The following OAS2 variants were observed in gnomAD, a reference collection of about 807,000 sequenced individuals.
OAS2 encodes 2'-5'-oligoadenylate synthase 2.
A neutral mutation model predicts 71.3 loss-of-function variants in OAS2; 67 were observed. That is an observed-to-expected ratio of 0.94 (90% CI 0.77 to 1.15). The LOEUF is 1.15. Ranked by LOEUF, OAS2 falls within the 50% of genes most tolerant of loss-of-function variation. OAS2 has a pLI of 0.00. For missense variants in OAS2, 789 were observed against 822.5 expected (o/e 0.96, Z 0.50); for synonymous variants, 327 against 321.8 (o/e 1.02, Z -0.17).
chr12:113,008,862 A>G (rs2044356624), intron 9 of OAS2, among the ~76,000 whole-genome samples: 1 of 152,156 alleles, frequency 6.6e-6, no homozygotes, highest in Non-Finnish European at 1.5e-5. Context: ...CCTGGCCCTC[A>G]AGTGATCCTC....
At chr12:112,979,749 G>A (rs890646391) in intron 1 of OAS2, among the ~76,000 whole-genome samples, 1 of 152,040 alleles carries the variant, frequency 6.6e-6, no homozygotes, top group Non-Finnish European at 1.5e-5. Flanking sequence ...CAGCCCCCCA[G>A]AGCCCTGGGC....
intron 3 of OAS2, 24 bp downstream of exon 3, chr12:112,995,498 T>G: frequency 6.3e-7 from 1 of 1,585,640 alleles, no homozygotes. Flanking sequence ...TGTCTATATA[T>G]GGTTATCATT....
At chr12:112,983,557 G>A (rs7964503) in intron 1 of OAS2, among the ~76,000 whole-genome samples, 39,922 of 152,058 alleles carry the variant, frequency 0.26, 5,470 homozygotes, top group Admixed American at 0.32. Context: ...AAGATGAACC[G>A]TTAGGTTGTT....
intron 5 of OAS2, among the ~76,000 whole-genome samples, chr12:112,999,286 TC>T (rs1228946004): frequency 6.6e-6 from 1 of 152,010 alleles, no homozygotes; most frequent in Admixed American, 6.6e-5. Context: ...CAACACAAAC[TC>T]CCCTGCATGC....
rs763531533 is a variant in OAS2 at position 112,997,644 on chromosome 12, TA to T, written c.753del (p.Leu252TrpfsTer3). 1 of 1,614,124 alleles carries T rather than the reference TA, an allele frequency of 6.2e-7. No individual in the cohort carries two copies. Among genetic ancestry groups the T allele is most frequent in the South Asian group, 1.1e-5 (1 of 91,078 alleles). On this transcript the variant is annotated frameshift_variant, in exon 4 of 10. Coordinates refer to ENST00000392583, the MANE Select transcript of OAS2 (RefSeq NM_002535.3). LOFTEE classifies it high-confidence loss of function. ...GACATTGCTGAAGGCGTCAGAACCG[TA>T]CTGGAGCTGATCAAATGCCAGGAGA... ...NFDIAEGVRT[V>X]LELIKCQEKL...
At chr12:112,979,987 T>C (rs1257612885) in intron 1 of OAS2, among the ~76,000 whole-genome samples, 1 of 152,244 alleles carries the variant, frequency 6.6e-6, no homozygotes, top group Non-Finnish European at 1.5e-5. Context: ...ATGGGCTCTG[T>C]GTGCTTTAGT....
rs1349343880 is a variant in OAS2, at chr12:112,997,728, T to A, written c.836T>A (p.Ile279Asn). ...YNFEDETIRN[I>N]LLHQLQSARP... is the part of the protein sequence containing the mutation. The stretch of plus-strand genomic sequence containing the variant: ...TTTGAAGATGAGACCATCAGGAACA[T>A]CCTGCTGCACCAGCTCCAATCAGCG... The change falls in exon 4 of 10, where the codon ATC becomes AAC. Residue 279 changes from isoleucine (I) to asparagine (N), a missense_variant. By Grantham distance (149) the Ile-to-Asn change is moderately radical (BLOSUM62 -3). Transcript: ENST00000392583. The A allele has an allele frequency of 6.2e-7, 1 of 1,606,904 alleles. No homozygotes were observed. The highest frequency in any genetic ancestry group is 8.5e-7 in the Non-Finnish European group (1 of 1,175,828).
At chr12:112,999,017 C>T (rs532145064) in intron 5 of OAS2, among the ~76,000 whole-genome samples, 1 of 152,244 alleles carries the variant, frequency 6.6e-6, no homozygotes, top group East Asian at 1.9e-4. Flanking sequence ...GGGGGGTACC[C>T]AAAGATGCGA....
intron 5 of OAS2, among the ~76,000 whole-genome samples, chr12:113,000,192 AG>A (rs1186460627): frequency 6.6e-6 from 1 of 152,136 alleles, no homozygotes; most frequent in Non-Finnish European, 1.5e-5. Context: ...GGAGACTAGG[AG>A]TCATATATTA....
chr12:113,002,245 A>G (rs2044296365), intron 5 of OAS2, among the ~76,000 whole-genome samples: 2 of 152,216 alleles, frequency 1.3e-5, no homozygotes, highest in African/African-American at 4.8e-5. Context: ...AAGAGGAAAA[A>G]GACCCCTGTG....
intron 5 of OAS2, among the ~76,000 whole-genome samples, chr12:112,998,952 C>A (rs1165428565): frequency 6.6e-6 from 1 of 152,188 alleles, no homozygotes; most frequent in Non-Finnish European, 1.5e-5. Context: ...ACAGTTCAAC[C>A]CATCACACAC....
chr12:112,993,469 T>A (rs760352655), intron 2 of OAS2, among the ~76,000 whole-genome samples: 1 of 152,220 alleles, frequency 6.6e-6, no homozygotes, highest in South Asian at 2.1e-4. Context: ...GATAGAATGC[T>A]CTTTCCGTCA....
rs767047586 is a variant in OAS2 at position 112,997,530 on chromosome 12, A to G, written c.638A>G (p.Lys213Arg). ...TTCCTTATCCCACAGTGCCAGAAAA[A>G]AATCAAGGATTTACCCTCGCTGTCT... Reference protein sequence around the residue: ...IKHWHQQCQKKIKDLPSLSPY... With the variant: ...IKHWHQQCQKRIKDLPSLSPY... The change falls in exon 4 of 10, where the codon AAA (lysine) becomes AGA (arginine). Residue 213 changes from lysine to arginine, a missense_variant. Coordinates refer to ENST00000392583, the MANE Select transcript of OAS2 (RefSeq NM_002535.3). The G allele has an allele frequency of 6.2e-7, 1 of 1,613,682 alleles. No homozygotes were observed. The highest frequency in any genetic ancestry group is 8.5e-7 in the Non-Finnish European group (1 of 1,179,702).
At chr12:113,007,219 C>T (rs944341743) in intron 8 of OAS2, among the ~76,000 whole-genome samples, 1 of 152,230 alleles carries the variant, frequency 6.6e-6, no homozygotes, top group Non-Finnish European at 1.5e-5. Context: ...TGCCTCCTTT[C>T]TGTGTCCAGC....
intron 5 of OAS2, among the ~76,000 whole-genome samples, chr12:112,999,075 A>C (rs917872014): frequency 1.3e-5 from 2 of 152,198 alleles, no homozygotes; most frequent in Admixed American, 1.3e-4. Context: ...GCAGGTGGAG[A>C]CATGAAACGG....
chr12:113,009,212 GA>G lies in OAS2; in HGVS notation c.2024del (p.Asn675ThrfsTer10). 6.2e-7 allele frequency: 1 copy of G among 1,614,110 alleles called. No homozygotes were observed. The highest frequency in any genetic ancestry group is 8.5e-7 in the Non-Finnish European group (1 of 1,180,016). ...LSSPCFKDGT[G>X]NPIPPWKVPV... ...TCTCCCTGCTTCAAGGATGGGACTG[GA>G]AACCCAATACCACCTTGGAAAGTGC... is the stretch of plus-strand genomic sequence containing the variant. On this transcript the variant is annotated frameshift_variant, in exon 10 of 10. Transcript: ENST00000392583. LOFTEE classifies it low-confidence loss of function (END_TRUNC).
Position 113,010,054 on chromosome 12 carries a change from T to C in OAS2, c.*799T>C, listed in dbSNP as rs1193327500. 1 of 1,013,882 alleles carries C rather than the reference T, an allele frequency of 9.9e-7. No homozygotes were observed. The highest frequency in any genetic ancestry group is 1.2e-6 in the Non-Finnish European group (1 of 842,082). 62.8% of individuals were successfully genotyped at this position (1,013,882 alleles called of 1,614,324 possible). On this transcript the variant is annotated 3_prime_UTR_variant, in exon 10 of 10. Coordinates refer to ENST00000392583, the MANE Select transcript of OAS2 (RefSeq NM_002535.3). ...GATGTTGAGCAGCATCTCTGGCCTG[T>C]ACCCAGTAGATGCCACCCAGTTGTG...
At chr12:112,983,550 A>G (rs1017224744) in intron 1 of OAS2, among the ~76,000 whole-genome samples, 1 of 152,190 alleles carries the variant, frequency 6.6e-6, no homozygotes, top group African/African-American at 2.4e-5. Context: ...ATTCCTTAAG[A>G]TGAACCGTTA....
chr12:112,997,108 A>C (rs973266020), intron 3 of OAS2, among the ~76,000 whole-genome samples: 2 of 152,052 alleles, frequency 1.3e-5, no homozygotes, highest in African/African-American at 4.8e-5. Flanking sequence ...TTCCTTGGCT[A>C]CTGTTTTAAG....
Sources: allele counts gnomAD v4.1 joint callset (sites outside exome capture counted in the v4.1 genomes callset), GRCh38; gene constraint gnomAD v4.1.1; transcripts MANE v1.5; gene names NCBI Gene and HGNC (gene_info 2026-07-23, HGNC 2026-07-21).